The following NPSR1 variants were observed in gnomAD, a reference collection of about 807,000 sequenced individuals.
NPSR1 encodes the protein neuropeptide S receptor.
NPSR1 carries 48 observed loss-of-function variants against 46.9 expected under a neutral mutation model. The ratio of observed to expected loss-of-function variants is 1.02; its 90% CI spans 0.81 to 1.30. The LOEUF is 1.30. Among genes scored for constraint, NPSR1 ranks in the 50% most tolerant of loss-of-function variants. The pLI, the probability that NPSR1 is intolerant of heterozygous loss-of-function variation, is 0.00. For synonymous variants in NPSR1, 176 were observed against 168.1 expected, an observed-to-expected ratio of 1.05 and a Z score of -0.36; for missense variants, 450 against 449.5, an observed-to-expected ratio of 1.00 and a Z score of -0.01.
chr7:34,729,549 A>G (rs1217925566), intron 2 of NPSR1, among the ~76,000 whole-genome samples: 2 of 152,216 alleles, frequency 1.3e-5, no homozygotes, highest in East Asian at 3.8e-4. Flanking sequence ...AAATGAAATT[A>G]TCAATTTGGA....
intron 2 of NPSR1, among the ~76,000 whole-genome samples, chr7:34,706,547 T>C (rs1311869214): frequency 6.6e-6 from 1 of 152,190 alleles, no homozygotes; most frequent in Non-Finnish European, 1.5e-5. Context: ...TTGCTTTGTC[T>C]ATGAAAAGTT....
At chr7:34,860,426 A>C in intron 8 of NPSR1, among the ~76,000 whole-genome samples, 1 of 152,078 alleles carries the variant, frequency 6.6e-6, no homozygotes, top group Admixed American at 6.5e-5. Context: ...AATCATTTAC[A>C]AATAACAATA....
At chr7:34,803,432 T>C (rs913481736) in intron 3 of NPSR1, among the ~76,000 whole-genome samples, 7 of 151,792 alleles carry the variant, frequency 4.6e-5, no homozygotes, top group Admixed American at 6.6e-5. Context: ...ATGGATGAAA[T>C]TGGAAATCAT....
chr7:34,864,616 T>C (rs1381508677), intron 8 of NPSR1, among the ~76,000 whole-genome samples: 1 of 151,896 alleles, frequency 6.6e-6, no homozygotes, highest in African/African-American at 2.4e-5. Context: ...CCCAATTTCT[T>C]ATCCAACTGC....
chr7:34,684,666 A>G lies in NPSR1; in HGVS notation c.262A>G (p.Thr88Ala). The change falls in exon 2 of 9, where the codon ACT (threonine) becomes GCT (alanine). Residue 88 changes from threonine (T) to alanine (A), a missense_variant. By Grantham distance (58) the Thr-to-Ala change is moderately conservative. Coordinates refer to ENST00000360581, the MANE Select transcript of NPSR1 (RefSeq NM_207172.2). ...GAAGTCAAGAATGACCTTCTTTGTGACTCAGCTGGCCATCACAGGTAAGTA... is the reference window on the plus strand; with the variant it reads ...GAAGTCAAGAATGACCTTCTTTGTGGCTCAGCTGGCCATCACAGGTAAGTA... ...KKKSRMTFFVTQLAITDSFTG... is the reference protein window; with the variant it reads ...KKKSRMTFFVAQLAITDSFTG... The G allele has an allele frequency of 6.2e-7, 1 of 1,612,412 alleles. No homozygotes were observed. Among genetic ancestry groups the G allele is most frequent in the Non-Finnish European group, 8.5e-7 (1 of 1,179,356 alleles).
chr7:34,763,980 C>A (rs893655661), intron 2 of NPSR1, among the ~76,000 whole-genome samples: 2 of 152,114 alleles, frequency 1.3e-5, no homozygotes, highest in Non-Finnish European at 2.9e-5. Context: ...GATGAAGGAA[C>A]ATTATAAAAA....
intron 3 of NPSR1, among the ~76,000 whole-genome samples, chr7:34,809,692 T>C (rs1479455625): frequency 1.3e-5 from 2 of 152,122 alleles, no homozygotes; most frequent in Non-Finnish European, 2.9e-5. Context: ...CTGGATCTCC[T>C]GACCTCGTGA....
chr7:34,858,622 TG>T (rs1449546921), intron 8 of NPSR1, among the ~76,000 whole-genome samples: 1 of 151,890 alleles, frequency 6.6e-6, no homozygotes, highest in Non-Finnish European at 1.5e-5. Flanking sequence ...TCCACATTGC[TG>T]GGGAGGTTTC....
At chr7:34,873,979 C>T (rs1265981793) in intron 8 of NPSR1, among the ~76,000 whole-genome samples, 1 of 151,664 alleles carries the variant, frequency 6.6e-6, no homozygotes, top group African/African-American at 2.4e-5. Context: ...TATAACAACT[C>T]ATACCTGTAA....
chr7:34,876,301 G>A (rs1444650416), intron 8 of NPSR1, among the ~76,000 whole-genome samples: 2 of 152,164 alleles, frequency 1.3e-5, no homozygotes, highest in African/African-American at 4.8e-5. Flanking sequence ...ATGTGACTAA[G>A]GCATTTTGCT....
intron 2 of NPSR1, among the ~76,000 whole-genome samples, chr7:34,744,766 G>T (rs1220096183): frequency 2.0e-5 from 3 of 152,120 alleles, no homozygotes; most frequent in Non-Finnish European, 4.4e-5. Context: ...TTTGACAAGG[G>T]TATGTATTAT....
At chr7:34,814,687 G>GCC (rs1373988954) in intron 4 of NPSR1, among the ~76,000 whole-genome samples, 1 of 152,208 alleles carries the variant, frequency 6.6e-6, no homozygotes, top group South Asian at 2.1e-4. Flanking sequence ...CTGGGACAAA[G>GCC]CTTCCAGAGG....
intron 2 of NPSR1, among the ~76,000 whole-genome samples, chr7:34,748,257 A>G (rs1488037906): frequency 6.6e-6 from 1 of 152,250 alleles, no homozygotes; most frequent in Non-Finnish European, 1.5e-5. Context: ...TGCTCTAAGC[A>G]TTCGCATAAT....
At chr7:34,748,530 G>A (rs1159240474) in intron 2 of NPSR1, among the ~76,000 whole-genome samples, 1 of 152,178 alleles carries the variant, frequency 6.6e-6, no homozygotes, top group African/African-American at 2.4e-5. Flanking sequence ...CAAGCTGCCA[G>A]CCCATTCTGT....
intron 2 of NPSR1, among the ~76,000 whole-genome samples, chr7:34,714,830 A>C (rs1274420060): frequency 6.6e-6 from 1 of 152,246 alleles, no homozygotes; most frequent in African/African-American, 2.4e-5. Flanking sequence ...CCAGGAATCA[A>C]ATGAATGGAG....
In NPSR1 at chr7:34,835,044, T is replaced by C. The variant is rs1790302517; in HGVS notation, c.757+584T>C. On this transcript the variant is annotated intron_variant, in intron 6 of 8. Transcript: ENST00000360581. ...TGAATGCAGAGCCTCTCGTATGCAA[T>C]AGACTCTGAGCCCTGGAAGCCTACC... 2.0e-5 allele frequency among the ~76,000 whole-genome samples: 3 copies of C among 152,218 alleles called. 1 individual carries two copies. The South Asian group carries it at 6.2e-4, about 32-fold the overall frequency.
chr7:34,695,029 A>T (rs1010356614), intron 2 of NPSR1, among the ~76,000 whole-genome samples: 2 of 152,208 alleles, frequency 1.3e-5, no homozygotes, highest in African/African-American at 4.8e-5. Flanking sequence ...ATTCTAAGCA[A>T]AAGAAAAAAT....
At chr7:34,797,702 T>A (rs949765697) in intron 3 of NPSR1, among the ~76,000 whole-genome samples, 2 of 152,050 alleles carry the variant, frequency 1.3e-5, no homozygotes, top group Non-Finnish European at 2.9e-5. Flanking sequence ...GCAAAATAAA[T>A]GTCAGAAAAA....
At chr7:34,709,171 T>C (rs915977515) in intron 2 of NPSR1, among the ~76,000 whole-genome samples, 11 of 152,126 alleles carry the variant, frequency 7.2e-5, no homozygotes, top group Non-Finnish European at 1.6e-4. Flanking sequence ...CCTCATTACG[T>C]TTCTCAGGAG....
Sources: gnomAD v4.1 joint callset for allele counts (sites outside exome capture counted in the v4.1 genomes callset) on GRCh38, gnomAD v4.1.1 for gene constraint, MANE v1.5 for transcripts, NCBI Gene and HGNC (gene_info 2026-07-23, HGNC 2026-07-21) for gene names.